Variants in DNAH6 observed in about 807,000 individuals in gnomAD.
DNAH6 encodes axonemal beta dynein heavy chain 6.
A neutral mutation model predicts 491.4 loss-of-function variants in DNAH6; 340 were observed. That is an observed-to-expected ratio of 0.69 (90% confidence interval 0.63 to 0.76). The LOEUF is 0.76. Ranked by LOEUF, DNAH6 falls within the 30% of genes least tolerant of loss-of-function variation. The pLI is 0.00. For missense variants in DNAH6, 4,443 were observed against 4,972.2 expected, an observed-to-expected ratio of 0.89 and a Z score of 3.20; for synonymous variants, 1,603 against 1,686.1, an observed-to-expected ratio of 0.95 and a Z score of 1.21.
the DNAH6 span, among the ~76,000 whole-genome samples, chr2:84,501,518 G>A: frequency 2.7e-5 from 4 of 150,298 alleles, no homozygotes; most frequent in East Asian, 7.9e-4. Context: ...TCTGGTTTTG[G>A]TATCAGTGTA....
At chr2:84,593,863 G>A (rs1278644080) in intron 16 of DNAH6, 109 bp from the exon 17 acceptor site, 2 of 410,282 alleles carry the variant, frequency 4.9e-6, no homozygotes, top group Non-Finnish European at 8.5e-6. Flanking sequence ...CATTTAGGAT[G>A]CACATTCTTC....
At chr2:84,519,120 A>G (rs540705826) in intron 2 of DNAH6, among the ~76,000 whole-genome samples, 4 of 152,186 alleles carry the variant, frequency 2.6e-5, no homozygotes, top group African/African-American at 9.6e-5. Flanking sequence ...GGTGACTAGA[A>G]AGGTCTCTCT....
the DNAH6 span, among the ~76,000 whole-genome samples, chr2:84,473,427 A>G: frequency 6.6e-6 from 1 of 152,236 alleles, no homozygotes; most frequent in African/African-American, 2.4e-5. Flanking sequence ...CTGTTGAACT[A>G]TAACTCCTGT....
chr2:84,784,874 T>A, intron 66 of DNAH6, 64 bp downstream of exon 66: 1 of 1,147,396 alleles, frequency 8.7e-7, no homozygotes, highest in Non-Finnish European at 1.3e-6. Context: ...ACCTAGTGCC[T>A]CCCAGGAGAT....
At chr2:84,710,515 C>G in intron 56 of DNAH6, 103 bp downstream of exon 56, 1 of 1,187,176 alleles carries the variant, frequency 8.4e-7, no homozygotes, top group Non-Finnish European at 1.2e-6. Context: ...CACCAGTCAA[C>G]TCCATTTTCA....
chr2:84,597,755 T>A (rs148452996), intron 18 of DNAH6, among the ~76,000 whole-genome samples: 275 of 152,342 alleles, frequency 1.8e-3, no homozygotes, highest in African/African-American at 6.4e-3. Flanking sequence ...GTGGCATATC[T>A]ATATGATGGA....
chr2:84,740,132 C>T (rs1262289602), intron 62 of DNAH6, among the ~76,000 whole-genome samples: 1 of 151,758 alleles, frequency 6.6e-6, no homozygotes, highest in Admixed American at 6.6e-5. Context: ...TTTCTAGGTG[C>T]TTTCAGAGTG....
chr2:84,549,637 A>G (rs1316161950), intron 8 of DNAH6, among the ~76,000 whole-genome samples: 1 of 152,256 alleles, frequency 6.6e-6, no homozygotes, highest in African/African-American at 2.4e-5. Flanking sequence ...CACTCATTAA[A>G]TATTCTATTG....
chr2:84,543,782 A>G (rs1558687939), intron 4 of DNAH6, among the ~76,000 whole-genome samples: 1 of 152,202 alleles, frequency 6.6e-6, no homozygotes, highest in Non-Finnish European at 1.5e-5. Flanking sequence ...TAAATTGGGC[A>G]TATAATATTG....
chr2:84,644,143 G>C (rs1689675344), intron 33 of DNAH6, among the ~76,000 whole-genome samples: 1 of 152,094 alleles, frequency 6.6e-6, no homozygotes, highest in Non-Finnish European at 1.5e-5. Flanking sequence ...GTGTTTCTCA[G>C]TTTCTTCTCC....
chr2:84,479,537 T>A, the DNAH6 span, among the ~76,000 whole-genome samples: 2 of 152,216 alleles, frequency 1.3e-5, no homozygotes, highest in Non-Finnish European at 2.9e-5. Flanking sequence ...TACCAATGTC[T>A]ACACACAAGA....
In DNAH6 at chr2:84,547,362, T is replaced by C; in HGVS notation, c.1025T>C (p.Leu342Pro). ...CYIEKCHTYTLQEFKAAQVIR... is the reference protein window; with the variant it reads ...CYIEKCHTYTPQEFKAAQVIR... ...ATTGAAAAGTGTCACACCTACACCC[T>C]GCAGGAATTTAAGGCCGCACAAGTC... Residue 342 changes from leucine (L) to proline (P), a missense_variant, in exon 6 of 77, where the codon CTG (leucine) becomes CCG (proline). Physicochemically the swap from Leu to Pro is moderately conservative, Grantham distance 98. Transcript: ENST00000389394. The C allele has an allele frequency of 6.4e-7, 1 of 1,551,778 alleles. No homozygotes were observed. Among genetic ancestry groups the C allele is most frequent in the Non-Finnish European group, 8.7e-7 (1 of 1,146,950 alleles).
At chr2:84,620,480 G>A (rs546553342) in intron 24 of DNAH6, among the ~76,000 whole-genome samples, 2 of 152,228 alleles carry the variant, frequency 1.3e-5, no homozygotes, top group East Asian at 1.9e-4. Context: ...TCACAGAGGA[G>A]AGCCACACAT....
chr2:84,673,985 G>A (rs1318860947), intron 40 of DNAH6, among the ~76,000 whole-genome samples: 1 of 152,198 alleles, frequency 6.6e-6, no homozygotes, highest in Non-Finnish European at 1.5e-5. Flanking sequence ...AGAGTCAAGA[G>A]GGAGAAGGGG....
chr2:84,811,222 A>G (rs1305906999), intron 72 of DNAH6, among the ~76,000 whole-genome samples: 6 of 152,204 alleles, frequency 3.9e-5, no homozygotes, highest in Non-Finnish European at 1.5e-5. Context: ...CATCCACACA[A>G]TGCCTGTCGC....
Position 84,709,470 on chromosome 2 carries a change from A to T in DNAH6, c.9176A>T (p.Asp3059Val), listed in dbSNP as rs968260077. The T allele has an allele frequency of 1.7e-5, 26 of 1,551,250 alleles. No homozygotes were observed. Among genetic ancestry groups the T allele is most frequent in the African/African-American group, 4.1e-5 (3 of 72,926 alleles). ...TGGAACACTGATGGGCTGCCCCGTG[A>T]CTTGATATCAACAGAAAATGGCATT... is the stretch of plus-strand genomic sequence containing the variant. ...RQWNTDGLPR[D>V]LISTENGILV... The change falls in exon 55 of 77, where the codon GAC (aspartate) becomes GTC (valine). Residue 3059 changes from aspartate to valine, a missense_variant. Asp to Val is a radical substitution (Grantham distance 152, BLOSUM62 -3). Coordinates refer to ENST00000389394, the MANE Select transcript of DNAH6 (RefSeq NM_001370.2).
chr2:84,814,802 G>A (rs1293047723), intron 75 of DNAH6, among the ~76,000 whole-genome samples: 8 of 152,232 alleles, frequency 5.3e-5, no homozygotes, highest in Admixed American at 5.2e-4. Context: ...CAATCTCTGA[G>A]ATCTGGGGAG....
At chr2:84,611,616 A>C in intron 21 of DNAH6, 58 bp from the exon 22 acceptor site, 1 of 1,404,602 alleles carries the variant, frequency 7.1e-7, no homozygotes, top group Non-Finnish European at 9.8e-7. Flanking sequence ...TTTTTACTGT[A>C]ACCATATGTT....
chr2:84,803,909 G>T (rs571025980), intron 70 of DNAH6, among the ~76,000 whole-genome samples: 1 of 151,960 alleles, frequency 6.6e-6, no homozygotes, highest in South Asian at 2.1e-4. Flanking sequence ...TTCTATTCCC[G>T]AAGTGTAATA....
Sources: gnomAD v4.1 joint callset for allele counts (sites outside exome capture counted in the v4.1 genomes callset) on GRCh38, gnomAD v4.1.1 for gene constraint, MANE v1.5 for transcripts, NCBI Gene and HGNC (gene_info 2026-07-23, HGNC 2026-07-21) for gene names.